AGBL4: variants seen among roughly 807,000 people sequenced by gnomAD.
AGBL4 encodes the protein cytosolic carboxypeptidase 6.
A neutral mutation model predicts 66.4 loss-of-function variants in AGBL4; 58 were observed. That is an observed-to-expected ratio of 0.87 (90% CI 0.71 to 1.09). The LOEUF is 1.09. Ranked by LOEUF, AGBL4 falls within the 50% of genes least tolerant of loss-of-function variation. The pLI is 0.00. For synonymous variants in AGBL4, 234 were observed against 222.9 expected (o/e 1.05, Z -0.44); for missense variants, 579 against 631.0 (o/e 0.92, Z 0.88).
intron 1 of AGBL4, among the ~76,000 whole-genome samples, chr1:49,868,993 GA>G (rs1049781480): frequency 2.6e-5 from 4 of 151,988 alleles, no homozygotes; most frequent in East Asian, 1.9e-4. Flanking sequence ...CAAATATGTG[GA>G]AAAAAAGCTC....
At chr1:49,006,103 C>T (rs1312777492) in intron 5 of AGBL4, among the ~76,000 whole-genome samples, 1 of 152,134 alleles carries the variant, frequency 6.6e-6, no homozygotes, top group Non-Finnish European at 1.5e-5. Context: ...TCTGCATTTC[C>T]ATCTGAGGTA....
At chr1:49,938,199 CAG>C (rs2148284935) in intron 1 of AGBL4, among the ~76,000 whole-genome samples, 1 of 152,210 alleles carries the variant, frequency 6.6e-6, no homozygotes, top group South Asian at 2.1e-4. Context: ...AAACTACCAT[CAG>C]AGAATACTAC....
chr1:48,744,947 A>G (rs1650502336), intron 6 of AGBL4, among the ~76,000 whole-genome samples: 1 of 152,214 alleles, frequency 6.6e-6, no homozygotes, highest in African/African-American at 2.4e-5. Flanking sequence ...ACTTTCGGAC[A>G]TAGCTCAGGT....
intron 4 of AGBL4, among the ~76,000 whole-genome samples, chr1:49,114,567 TG>T (rs1466215087): frequency 6.6e-6 from 1 of 152,210 alleles, no homozygotes; most frequent in Non-Finnish European, 1.5e-5. Flanking sequence ...GACTGTTTGG[TG>T]GAAGAAGCCT....
intron 5 of AGBL4, among the ~76,000 whole-genome samples, chr1:48,905,133 A>G (rs1035216648): frequency 5.9e-5 from 9 of 152,212 alleles, no homozygotes; most frequent in Non-Finnish European, 1.2e-4. Flanking sequence ...GTGGAATCAT[A>G]AATTGTGGGT....
At chr1:49,646,967 CAA>C (rs573759531) in intron 3 of AGBL4, among the ~76,000 whole-genome samples, 6 of 138,156 alleles carry the variant, frequency 4.3e-5, no homozygotes, top group Non-Finnish European at 3.2e-5. Context: ...ATCCATAGAC[CAA>C]AAAAAAAAAA....
intron 9 of AGBL4, among the ~76,000 whole-genome samples, chr1:48,600,499 G>A (rs1426472704): frequency 6.6e-6 from 1 of 152,200 alleles, no homozygotes; most frequent in Non-Finnish European, 1.5e-5. Flanking sequence ...AAGCAGTCTG[G>A]CTCTGCAATC....
intron 3 of AGBL4, among the ~76,000 whole-genome samples, chr1:49,284,951 T>G (rs1434502879): frequency 6.7e-6 from 1 of 150,152 alleles, no homozygotes; most frequent in African/African-American, 2.5e-5. Context: ...ACTGTCAACA[T>G]TAGACAGATC....
At chr1:49,992,341 C>T (rs1314190587) in intron 1 of AGBL4, among the ~76,000 whole-genome samples, 2 of 149,302 alleles carry the variant, frequency 1.3e-5, no homozygotes, top group African/African-American at 5.0e-5. Context: ...CACTGCACTC[C>T]AGCCTGGGCG....
At chr1:49,648,183 G>C (rs1645929299) in intron 3 of AGBL4, among the ~76,000 whole-genome samples, 1 of 152,000 alleles carries the variant, frequency 6.6e-6, no homozygotes, top group Non-Finnish European at 1.5e-5. Flanking sequence ...GAACAACAAA[G>C]AAATTCTAGG....
chr1:49,286,559 A>G (rs76488132), intron 3 of AGBL4, among the ~76,000 whole-genome samples: 65,992 of 151,600 alleles, frequency 0.44, 16,845 homozygotes, highest in Non-Finnish European at 0.58. Context: ...GCATTCTTAT[A>G]CACCAATAAC....
chr1:49,593,893 T>C (rs979832389), intron 3 of AGBL4, among the ~76,000 whole-genome samples: 6 of 152,088 alleles, frequency 3.9e-5, no homozygotes, highest in Non-Finnish European at 7.4e-5. Context: ...ATAGAGAGTA[T>C]GCTAATATTA....
intron 1 of AGBL4, among the ~76,000 whole-genome samples, chr1:50,010,866 T>C (rs1234333463): frequency 6.6e-6 from 1 of 152,142 alleles, no homozygotes; most frequent in Non-Finnish European, 1.5e-5. Context: ...ATAAAACTAC[T>C]ACAAGAAAAC....
At chr1:49,449,126 A>G (rs764400018) in intron 3 of AGBL4, among the ~76,000 whole-genome samples, 13 of 152,058 alleles carry the variant, frequency 8.5e-5, no homozygotes, top group African/African-American at 3.1e-4. Flanking sequence ...GATGATATAT[A>G]TAATATCTCC....
chr1:48,644,550 G>A (rs1348986916), intron 8 of AGBL4, among the ~76,000 whole-genome samples: 1 of 152,040 alleles, frequency 6.6e-6, no homozygotes, highest in East Asian at 1.9e-4. Context: ...GCAGGAGAGG[G>A]AAAAAAGAAG....
At chr1:49,610,935 T>C (rs1476173530) in intron 3 of AGBL4, among the ~76,000 whole-genome samples, 2 of 152,152 alleles carry the variant, frequency 1.3e-5, no homozygotes, top group Admixed American at 1.3e-4. Context: ...AAGAATTTAA[T>C]AAATGGACTA....
At chr1:49,910,770 G>A (rs1011447554) in intron 1 of AGBL4, among the ~76,000 whole-genome samples, 1 of 152,166 alleles carries the variant, frequency 6.6e-6, no homozygotes, top group African/African-American at 2.4e-5. Flanking sequence ...GAGCTCAGGG[G>A]TTTGAGACCA....
intron 1 of AGBL4, among the ~76,000 whole-genome samples, chr1:49,968,734 T>C (rs1265239710): frequency 1.3e-5 from 2 of 152,334 alleles, no homozygotes; most frequent in South Asian, 2.1e-4. Flanking sequence ...CATTTTTTCC[T>C]GCCTCATTTG....
At chr1:48,774,083 A>T (rs1299029258) in intron 6 of AGBL4, among the ~76,000 whole-genome samples, 1 of 152,222 alleles carries the variant, frequency 6.6e-6, no homozygotes, top group Non-Finnish European at 1.5e-5. Context: ...ATAGCAACAT[A>T]CTTCTCACCA....
Sources: allele counts gnomAD v4.1 joint callset (sites outside exome capture counted in the v4.1 genomes callset), GRCh38; gene constraint gnomAD v4.1.1; transcripts MANE v1.5; gene names NCBI Gene and HGNC (gene_info 2026-07-23, HGNC 2026-07-21).